Variants in SLC35F3 observed in about 807,000 individuals in gnomAD.
The protein encoded by SLC35F3 is putative thiamine transporter SLC35F3.
SLC35F3 carries 25 observed loss-of-function variants against 49.9 expected under a neutral mutation model. The ratio of observed to expected loss-of-function variants is 0.50; its 90% CI spans 0.37 to 0.70. The LOEUF is 0.70. SLC35F3 is among the 30% of genes least tolerant of loss of function. The pLI, the probability that SLC35F3 is intolerant of heterozygous loss-of-function variation, is 0.00. For missense variants in SLC35F3, 525 were observed against 639.8 expected (o/e 0.82, Z 1.94); for synonymous variants, 275 against 265.4 (o/e 1.04, Z -0.35).
chr1:234,271,351 A>G (rs1572127331), intron 3 of SLC35F3, among the ~76,000 whole-genome samples: 1 of 151,296 alleles, frequency 6.6e-6, no homozygotes, highest in Non-Finnish European at 1.5e-5. Context: ...ATGATGAGTC[A>G]TTCTTCATTT....
chr1:234,103,111 A>C (rs568351840), intron 2 of SLC35F3, among the ~76,000 whole-genome samples: 1 of 152,222 alleles, frequency 6.6e-6, no homozygotes, highest in African/African-American at 2.4e-5. Context: ...AAAAAAGACA[A>C]TTGCAACATT....
At chr1:234,181,268 G>A (rs553307311) in intron 2 of SLC35F3, among the ~76,000 whole-genome samples, 105 of 150,164 alleles carry the variant, frequency 7.0e-4, no homozygotes, top group Middle Eastern at 3.4e-3. Flanking sequence ...TCCAGGAGGT[G>A]GAGGTTGCAG....
chr1:234,154,119 C>T (rs1363643516), intron 2 of SLC35F3, among the ~76,000 whole-genome samples: 1 of 151,854 alleles, frequency 6.6e-6, no homozygotes, highest in Non-Finnish European at 1.5e-5. Flanking sequence ...GCCTGTAGTC[C>T]CAGCTACTTA....
intron 2 of SLC35F3, among the ~76,000 whole-genome samples, chr1:234,064,216 G>A (rs749147570): frequency 2.6e-5 from 4 of 152,084 alleles, no homozygotes; most frequent in Admixed American, 6.5e-5. Flanking sequence ...AGGACTGTGT[G>A]TTTCCCTTGA....
intron 3 of SLC35F3, among the ~76,000 whole-genome samples, chr1:234,236,995 C>G (rs919599402): frequency 2.2e-5 from 3 of 136,904 alleles, no homozygotes; most frequent in African/African-American, 8.2e-5. Context: ...TGAGGGCAGA[C>G]TGGCTTGGCT....
In SLC35F3 at chr1:234,079,593, A is replaced by T. The variant is rs569341671; in HGVS notation, c.284-151824A>T. Reference sequence around the variant, plus strand: ...GTCATGAATGAAAAATGGGCAAAGGATTTAAGTAAGCATTTATCTCAAGAA... The same window carrying T: ...GTCATGAATGAAAAATGGGCAAAGGTTTTAAGTAAGCATTTATCTCAAGAA... On this transcript the variant is annotated intron_variant, in intron 2 of 7. Coordinates refer to ENST00000366618, the MANE Select transcript of SLC35F3 (RefSeq NM_173508.4). Among the ~76,000 whole-genome samples the T allele has an allele frequency of 2.8e-4, 42 of 152,338 alleles. No individual in the cohort carries two copies. The South Asian group carries it at 8.1e-3, about 29-fold the overall frequency.
chr1:234,313,127 T>C (rs1202009911), intron 4 of SLC35F3, among the ~76,000 whole-genome samples: 1 of 152,186 alleles, frequency 6.6e-6, no homozygotes, highest in Non-Finnish European at 1.5e-5. Flanking sequence ...TCTGCCCGCC[T>C]CAGCCTCCCA....
intron 3 of SLC35F3, among the ~76,000 whole-genome samples, chr1:234,259,788 G>A (rs1667874855): frequency 6.6e-6 from 1 of 151,922 alleles, no homozygotes; most frequent in Admixed American, 6.6e-5. Flanking sequence ...GTTTTCTGGT[G>A]GTTGCCTATC....
In SLC35F3 at chr1:233,904,889, G is replaced by T. The variant is rs1264476982; in HGVS notation, c.-189G>T. On this transcript the variant is annotated 5_prime_UTR_variant, in exon 1 of 8. Coordinates refer to ENST00000366618, the MANE Select transcript of SLC35F3 (RefSeq NM_173508.4). ...TGAACCGCCGCGCCTGCATCGTGCC[G>T]CACGCCGCGGAGGCGCTCGGGTACA... The T allele has an allele frequency of 7.2e-6, 3 of 415,626 alleles. No homozygotes were observed. Among genetic ancestry groups the T allele is most frequent in the Non-Finnish European group, 1.2e-5 (3 of 247,420 alleles). 25.7% of individuals were successfully genotyped at this position (415,626 alleles called of 1,614,324 possible). A position where few individuals can be genotyped will look rare whatever the true frequency, so the allele number is the denominator to read the frequency against.
In SLC35F3 at chr1:234,214,321, C is replaced by G; in HGVS notation, c.284-17096C>G. 1 of 1,307,242 alleles carries G rather than the reference C, an allele frequency of 7.6e-7. No individual in the cohort carries two copies. The highest frequency in any genetic ancestry group is 2.3e-5 in the South Asian group (1 of 44,136). The allele number at this position is 1,307,242 out of a possible 1,614,324, so 81.0% of individuals were successfully genotyped here. ...GCTGCAGGGCGGCCGCCGCAGTGAGCAACGCGGCAACCGGAGCCCGGCGGG... is the reference window on the plus strand; with the variant it reads ...GCTGCAGGGCGGCCGCCGCAGTGAGGAACGCGGCAACCGGAGCCCGGCGGG... On this transcript the variant is annotated intron_variant, in intron 2 of 7. Transcript: ENST00000366618. The surrounding 1 kb of genome is among the most constrained non-coding windows in gnomAD (Gnocchi z 8.0).
chr1:234,150,996 T>A (rs766186023), intron 2 of SLC35F3, among the ~76,000 whole-genome samples: 1 of 152,096 alleles, frequency 6.6e-6, no homozygotes, highest in Non-Finnish European at 1.5e-5. Context: ...CTGACTCCAA[T>A]ACCAGGTCAG....
intron 2 of SLC35F3, among the ~76,000 whole-genome samples, chr1:234,228,128 G>C (rs753141582): frequency 4.6e-5 from 7 of 152,174 alleles, no homozygotes; most frequent in Admixed American, 6.5e-5. Context: ...AGTTTCTCCT[G>C]TGGCATGTCT....
At chr1:234,233,366 A>G (rs971876972) in intron 3 of SLC35F3, among the ~76,000 whole-genome samples, 3 of 152,220 alleles carry the variant, frequency 2.0e-5, no homozygotes, top group Non-Finnish European at 4.4e-5. Flanking sequence ...GTTCTTGATC[A>G]AGAATTATTG....
chr1:234,130,004 A>G (rs552822795), intron 2 of SLC35F3, among the ~76,000 whole-genome samples: 17 of 152,342 alleles, frequency 1.1e-4, no homozygotes, highest in African/African-American at 3.8e-4. Flanking sequence ...CTATGAAAGG[A>G]CACAAACAGT....
intron 4 of SLC35F3, among the ~76,000 whole-genome samples, chr1:234,314,195 CAG>C (rs552905150): frequency 3.3e-4 from 51 of 152,316 alleles, no homozygotes; most frequent in South Asian, 6.2e-4. Context: ...TGGGGTGGCA[CAG>C]GCTCCTCTGA....
rs140088458 is a variant in SLC35F3 at position 233,952,121 on chromosome 1, C to T, written c.283+46363C>T. ...ATTCTTCCTTCTGTTCTTACAATTT[C>T]GTTTTCTTTTTATGGTGCTTTTTTT... On this transcript the variant is annotated intron_variant, in intron 2 of 7. Transcript: ENST00000366618. Among the ~76,000 whole-genome samples, 526 of 151,994 alleles carry T rather than the reference C, an allele frequency of 3.5e-3. 2 individuals carry two copies. Among genetic ancestry groups the T allele is most frequent in the African/African-American group, 0.012 (500 of 41,474 alleles).
chr1:233,969,137 A>C (rs1223140601), intron 2 of SLC35F3, among the ~76,000 whole-genome samples: 1 of 152,062 alleles, frequency 6.6e-6, no homozygotes, highest in East Asian at 1.9e-4. Flanking sequence ...AATGTTGCCT[A>C]ATTTTTCCTC....
intron 2 of SLC35F3, among the ~76,000 whole-genome samples, chr1:234,202,318 T>C (rs1666911418): frequency 6.6e-6 from 1 of 152,116 alleles, no homozygotes; most frequent in Non-Finnish European, 1.5e-5. Flanking sequence ...GTGCAAATGC[T>C]CAGGGCCATG....
At chr1:234,084,308 A>G (rs1664928950) in intron 2 of SLC35F3, among the ~76,000 whole-genome samples, 2 of 152,080 alleles carry the variant, frequency 1.3e-5, no homozygotes, top group Admixed American at 6.6e-5. Context: ...TCTTGGAGAT[A>G]TTATATGTGC....
Sources: allele counts gnomAD v4.1 joint callset (sites outside exome capture counted in the v4.1 genomes callset), GRCh38; gene constraint gnomAD v4.1.1; non-coding constraint Gnocchi (gnomAD v3.1); transcripts MANE v1.5; gene names NCBI Gene and HGNC (gene_info 2026-07-23, HGNC 2026-07-21).